The following UGT1A10 variants were observed in gnomAD, a reference collection of about 807,000 sequenced individuals.
UGT1A10 encodes the protein UDP-glucuronosyltransferase 1A10.
UGT1A10 carries 49 observed loss-of-function variants against 45.8 expected under a neutral mutation model. The ratio of observed to expected loss-of-function variants is 1.07; its 90% CI spans 0.85 to 1.36. UGT1A10 has a LOEUF of 1.36. UGT1A10 is among the 40% of genes most tolerant of loss of function. The pLI is 0.00. For missense variants in UGT1A10, 745 were observed against 668.6 expected (o/e 1.11, Z -1.26); for synonymous variants, 284 against 249.7 (o/e 1.14, Z -1.29).
chr2:233,729,695 C>A, intron 1 of UGT1A10: 1 of 1,613,928 alleles, frequency 6.2e-7, no homozygotes, highest in South Asian at 1.1e-5. Flanking sequence ...TGTCCAAACC[C>A]TTCCTCCTAT....
At chr2:233,761,154 G>A (rs1374366123) in intron 1 of UGT1A10, 1 of 1,614,240 alleles carries the variant, frequency 6.2e-7, no homozygotes, top group East Asian at 2.2e-5. Flanking sequence ...TATCCCAGGT[G>A]TGTATTGGAG....
chr2:233,707,235 A>T (rs2075951053), intron 1 of UGT1A10, among the ~76,000 whole-genome samples: 1 of 151,676 alleles, frequency 6.6e-6, no homozygotes, highest in Admixed American at 6.6e-5. Flanking sequence ...TGTGATGATT[A>T]TTTCTCTTGT....
chr2:233,653,233 G>A (rs1017615954), intron 1 of UGT1A10, among the ~76,000 whole-genome samples: 19 of 152,172 alleles, frequency 1.2e-4, no homozygotes, highest in African/African-American at 3.9e-4. Flanking sequence ...TTTAAAAGGG[G>A]ATTTATTTGA....
intron 1 of UGT1A10, among the ~76,000 whole-genome samples, chr2:233,734,913 T>G (rs1279998122): frequency 6.6e-6 from 1 of 152,224 alleles, no homozygotes; most frequent in Non-Finnish European, 1.5e-5. Context: ...TTACATTTGC[T>G]AAGGAGTGCT....
At chr2:233,712,069 T>A (rs1263403804) in intron 1 of UGT1A10, among the ~76,000 whole-genome samples, 1 of 152,192 alleles carries the variant, frequency 6.6e-6, no homozygotes, top group Non-Finnish European at 1.5e-5. Flanking sequence ...ATCTTCAGGA[T>A]GAAATAAAGG....
chr2:233,676,561 A>G (rs2125509722), intron 1 of UGT1A10, among the ~76,000 whole-genome samples: 1 of 152,188 alleles, frequency 6.6e-6, no homozygotes, highest in Middle Eastern at 3.4e-3. Context: ...CTTTTATGGG[A>G]TCCCAGTGAT....
intron 1 of UGT1A10, chr2:233,682,499 T>G: frequency 6.2e-7 from 1 of 1,613,946 alleles, no homozygotes; most frequent in Non-Finnish European, 8.5e-7. Flanking sequence ...TGCTCCTCTT[T>G]CCTATGTCCC....
At chr2:233,675,410 A>G (rs985518668) in intron 1 of UGT1A10, among the ~76,000 whole-genome samples, 1 of 152,194 alleles carries the variant, frequency 6.6e-6, no homozygotes. Flanking sequence ...GATGAGTTCC[A>G]ACAGAATTAA....
At chr2:233,712,005 A>G (rs770436116) in intron 1 of UGT1A10, among the ~76,000 whole-genome samples, 1 of 152,208 alleles carries the variant, frequency 6.6e-6, no homozygotes, top group Non-Finnish European at 1.5e-5. Context: ...TTCTGGAGGA[A>G]CCATTCTTAT....
intron 1 of UGT1A10, among the ~76,000 whole-genome samples, chr2:233,675,809 C>T (rs2074336603): frequency 6.6e-6 from 1 of 152,068 alleles, no homozygotes; most frequent in Non-Finnish European, 1.5e-5. Context: ...AAAAGAAATT[C>T]TTGGCATGTC....
intron 1 of UGT1A10, chr2:233,691,620 GCAGTGTGGTTAGCAGGCAGGGC>G: frequency 1.0e-6 from 1 of 985,672 alleles, no homozygotes; most frequent in Non-Finnish European, 1.2e-6. Context: ...ACCGCCCTCA[GCAGTGTGGTTAGCAGGCAGGGC>G]CAGTGTGACC....
Position 233,761,122 on chromosome 2 carries a change from A to T in UGT1A10, c.856-5912A>T, listed in dbSNP as rs397978903. 136 of 1,614,116 alleles carry T rather than the reference A, an allele frequency of 8.4e-5. No individual in the cohort carries two copies. Among genetic ancestry groups the T allele is most frequent in the Non-Finnish European group, 1.1e-4 (124 of 1,180,046 alleles). On this transcript the variant is annotated intron_variant, in intron 1 of 4. Coordinates refer to ENST00000344644, the MANE Select transcript of UGT1A10 (RefSeq NM_019075.4). The stretch of plus-strand genomic sequence containing the variant: ...CAATATGGTTTTTGTTGGTGGAATC[A>T]ACTGCCTTCACCAAAATCCACTATC...
rs369434439 is a variant in UGT1A10, at chr2:233,680,893, C to G, written c.855+43516C>G. Among the ~76,000 whole-genome samples the G allele has an allele frequency of 3.9e-5, 6 of 152,108 alleles. No individual in the cohort carries two copies. In the East Asian group the frequency reaches 9.8e-4, roughly 25 times the overall value. On this transcript the variant is annotated intron_variant, in intron 1 of 4. Transcript: ENST00000344644. ...GGGCAAGCATAGGGACGGCGACTCA[C>G]CACTGCAGACAATGTATCTGAGGAA...
At chr2:233,655,017 A>G (rs1559326828) in intron 1 of UGT1A10, among the ~76,000 whole-genome samples, 1 of 151,984 alleles carries the variant, frequency 6.6e-6, no homozygotes, top group African/African-American at 2.4e-5. Context: ...TGAACCTGGA[A>G]GATGGAGGTT....
chr2:233,765,208 G>C (rs1325678271), intron 1 of UGT1A10, among the ~76,000 whole-genome samples: 1 of 152,132 alleles, frequency 6.6e-6, no homozygotes, highest in Non-Finnish European at 1.5e-5. Flanking sequence ...AGTGCCCTCA[G>C]TATTCTTTGC....
rs111739350 is a variant in UGT1A10 at position 233,753,142 on chromosome 2, A to G, written c.856-13892A>G. The G allele has an allele frequency of 8.2e-3, 1,248 of 152,338 alleles. 11 individuals are homozygous for G. The highest frequency in any genetic ancestry group is 0.011 in the Non-Finnish European group (750 of 68,038). The allele number at this position is 152,338 out of a possible 1,614,324, so 9.4% of individuals were successfully genotyped here. On this transcript the variant is annotated intron_variant, in intron 1 of 4. Coordinates refer to ENST00000344644, the MANE Select transcript of UGT1A10 (RefSeq NM_019075.4). ...CAAACTACTCAGTGAGTATCTTCAC[A>G]CATGTAAGTTCCCTTATCCGGATCA...
intron 1 of UGT1A10, among the ~76,000 whole-genome samples, chr2:233,739,970 G>A (rs887253377): frequency 6.6e-5 from 10 of 151,810 alleles, no homozygotes; most frequent in Admixed American, 4.6e-4. Flanking sequence ...GAATCATATC[G>A]GCAGTTTTCC....
At position 233,729,852 on chromosome 2, in the gene UGT1A10, G is replaced by A. The variant is rs774381589; in HGVS notation, c.856-37182G>A. On this transcript the variant is annotated intron_variant, in intron 1 of 4. Transcript: ENST00000344644. ...TTGCCTCTGAGCTTTTTCAGAGAGAGGTGTCAGTGGTGGATATTCTCAGTC... is the reference window on the plus strand; with the variant it reads ...TTGCCTCTGAGCTTTTTCAGAGAGAAGTGTCAGTGGTGGATATTCTCAGTC... The A allele has an allele frequency of 4.3e-6, 7 of 1,613,776 alleles. No homozygotes were observed. In the African/African-American group the frequency reaches 9.3e-5, roughly 22 times the overall value.
intron 1 of UGT1A10, among the ~76,000 whole-genome samples, chr2:233,686,879 G>T (rs1321827136): frequency 1.1e-4 from 16 of 151,924 alleles, no homozygotes; most frequent in Admixed American, 4.6e-4. Flanking sequence ...CACTTTTTCT[G>T]CATGATTCCT....
Sources: allele counts gnomAD v4.1 joint callset (sites outside exome capture counted in the v4.1 genomes callset), GRCh38; gene constraint gnomAD v4.1.1; transcripts MANE v1.5; gene names NCBI Gene and HGNC (gene_info 2026-07-23, HGNC 2026-07-21).